Variants in MACO1 observed in about 807,000 individuals in gnomAD.
MACO1 encodes the protein macoilin 1, also known as macoilin.
MACO1 carries 14 observed loss-of-function variants against 78.7 expected under a neutral mutation model. That is an observed-to-expected ratio of 0.18 (90% CI 0.12 to 0.28). MACO1 has a LOEUF of 0.28. Among genes scored for constraint, MACO1 ranks in the 10% least tolerant of loss-of-function variants. MACO1 has a pLI of 1.00. For synonymous variants in MACO1, 288 were observed against 291.6 expected, an observed-to-expected ratio of 0.99 and a Z score of 0.12; for missense variants, 501 against 799.0, an observed-to-expected ratio of 0.63 and a Z score of 4.50.
At chr1:25,458,128 A>C (rs2043139172) in intron 5 of MACO1, among the ~76,000 whole-genome samples, 1 of 152,200 alleles carries the variant, frequency 6.6e-6, no homozygotes, top group Non-Finnish European at 1.5e-5. Context: ...TCAAGACTAG[A>C]CCTTTAGTGG....
chr1:25,459,559 C>G (rs991049074), intron 6 of MACO1, among the ~76,000 whole-genome samples: 4 of 151,210 alleles, frequency 2.6e-5, no homozygotes, highest in South Asian at 4.2e-4. Context: ...ACTGCAACCT[C>G]CGCCTCCTGG....
intron 6 of MACO1, among the ~76,000 whole-genome samples, chr1:25,471,596 G>A (rs2043272171): frequency 6.6e-6 from 1 of 152,212 alleles, no homozygotes; most frequent in Non-Finnish European, 1.5e-5. Flanking sequence ...CTAGCACAGA[G>A]TAGATACTCA....
intron 1 of MACO1, among the ~76,000 whole-genome samples, chr1:25,444,259 TAAATA>T (rs2042996515): frequency 6.8e-6 from 1 of 147,418 alleles, no homozygotes; most frequent in Non-Finnish European, 1.5e-5. Flanking sequence ...ACTCAGTCTT[TAAATA>T]AATAAATAAA....
At chr1:25,490,121 A>AT (rs1380319838) in intron 9 of MACO1, among the ~76,000 whole-genome samples, 1 of 152,180 alleles carries the variant, frequency 6.6e-6, no homozygotes, top group Non-Finnish European at 1.5e-5. Context: ...CAAGGGAAAG[A>AT]TTTTCTAAAC....
intron 6 of MACO1, among the ~76,000 whole-genome samples, chr1:25,467,355 A>G (rs1040099746): frequency 6.6e-6 from 1 of 152,210 alleles, no homozygotes; most frequent in Non-Finnish European, 1.5e-5. Flanking sequence ...CAGAGGAATC[A>G]ACAATTTTGT....
chr1:25,441,128 T>C (rs2042968373), intron 1 of MACO1, among the ~76,000 whole-genome samples: 1 of 152,250 alleles, frequency 6.6e-6, no homozygotes, highest in African/African-American at 2.4e-5. Flanking sequence ...GTTGTAAGTA[T>C]GTGCTTTGGT....
intron 6 of MACO1, among the ~76,000 whole-genome samples, chr1:25,468,913 A>G (rs778287337): frequency 2.0e-5 from 3 of 152,150 alleles, no homozygotes; most frequent in Non-Finnish European, 2.9e-5. Context: ...CAGTGGCGCC[A>G]TCTGGGAAAC....
intron 1 of MACO1, among the ~76,000 whole-genome samples, chr1:25,441,564 A>G (rs2042973322): frequency 6.6e-6 from 1 of 152,244 alleles, no homozygotes; most frequent in Non-Finnish European, 1.5e-5. Flanking sequence ...GAGATAAAAC[A>G]GGGAACAAAA....
chr1:25,459,996 GCTTTAGGCAGCC>G (rs2043156997), intron 6 of MACO1, among the ~76,000 whole-genome samples: 1 of 152,108 alleles, frequency 6.6e-6, no homozygotes, highest in Non-Finnish European at 1.5e-5. Flanking sequence ...TCTCTGGCTT[GCTTTAGGCAGCC>G]CTTTAGGCAG....
chr1:25,438,620 T>C (rs1368014645), intron 1 of MACO1, among the ~76,000 whole-genome samples: 2 of 152,244 alleles, frequency 1.3e-5, no homozygotes, highest in Non-Finnish European at 2.9e-5. Context: ...GAAGTGGACA[T>C]GACTGGGCCC....
chr1:25,485,410 G>C lies in MACO1; in HGVS notation c.1314-203G>C, dbSNP rs1396569669. On this transcript the variant is annotated intron_variant, in intron 7 of 10. Transcript: ENST00000374343. This position sits in a 1 kb window ranked among gnomAD's most constrained non-coding sequence, Gnocchi z 4.3. ...GAGGCTAGGTCTTAATCTCTGTTTT[G>C]TAAGGCAGCTTGTTTATTGGTGTTT... Among the ~76,000 whole-genome samples the C allele has an allele frequency of 6.6e-6, 1 of 152,162 alleles. No individual in the cohort carries two copies. The highest frequency in any genetic ancestry group is 2.4e-5 in the African/African-American group (1 of 41,428).
chr1:25,449,091 T>A (rs1439596773), intron 3 of MACO1, among the ~76,000 whole-genome samples, 157 bp downstream of exon 3: 1 of 152,168 alleles, frequency 6.6e-6, no homozygotes, highest in Non-Finnish European at 1.5e-5. Context: ...AAAATATATA[T>A]CTTTTTTCGT....
At chr1:25,461,521 G>A (rs2043172464) in intron 6 of MACO1, among the ~76,000 whole-genome samples, 1 of 152,020 alleles carries the variant, frequency 6.6e-6, no homozygotes, top group Non-Finnish European at 1.5e-5. Context: ...AAAACTAATA[G>A]AATAGTGCTG....
chr1:25,455,529 A>G (rs1023787514), intron 4 of MACO1, among the ~76,000 whole-genome samples: 1 of 152,224 alleles, frequency 6.6e-6, no homozygotes, highest in African/African-American at 2.4e-5. Context: ...ATTTAGACTA[A>G]TTATAAATTG....
chr1:25,456,417 T>C (rs2043121396), intron 4 of MACO1, among the ~76,000 whole-genome samples: 1 of 152,220 alleles, frequency 6.6e-6, no homozygotes, highest in Non-Finnish European at 1.5e-5. Flanking sequence ...ATGGGAAGTG[T>C]CGTCTTACGG....
At chr1:25,484,095 C>G in intron 6 of MACO1, 21 bp from the exon 7 acceptor site, 8 of 1,595,564 alleles carry the variant, frequency 5.0e-6, no homozygotes, top group South Asian at 1.1e-5. Context: ...GATGAAAATG[C>G]TGCATTTCTC....
rs769615672 is a variant in MACO1 at position 25,498,365 on chromosome 1, C to A, written c.1894C>A (p.Pro632Thr). 16 of 1,614,038 alleles carry A rather than the reference C, an allele frequency of 9.9e-6. No homozygotes were observed. In the Admixed American group the frequency reaches 2.5e-4, roughly 25 times the overall value. ...PSITYSAATS[P>T]LSPVSPHYSS... ...CATAACATACAGTGCCGCCACCAGC[C>A]CCCTGAGCCCTGTTTCCCCCCACTA... Residue 632 changes from proline (P) to threonine (T), a missense_variant, in exon 11 of 11, where the codon CCC becomes ACC. By Grantham distance (38) the Pro-to-Thr change is conservative. Coordinates refer to ENST00000374343, the MANE Select transcript of MACO1 (RefSeq NM_018202.6).
intron 1 of MACO1, among the ~76,000 whole-genome samples, chr1:25,438,137 G>A (rs1212283362): frequency 6.6e-6 from 1 of 152,170 alleles, no homozygotes; most frequent in Admixed American, 6.6e-5. Context: ...ACCTAATGCA[G>A]GTGGTGAGTT....
At chr1:25,468,157 C>G (rs990895362) in intron 6 of MACO1, among the ~76,000 whole-genome samples, 1 of 151,864 alleles carries the variant, frequency 6.6e-6, no homozygotes, top group Admixed American at 6.6e-5. Context: ...CTTGCTCTTG[C>G]CAAAGACACA....
Sources: allele counts gnomAD v4.1 joint callset (sites outside exome capture counted in the v4.1 genomes callset), GRCh38; gene constraint gnomAD v4.1.1; non-coding constraint Gnocchi (gnomAD v3.1); transcripts MANE v1.5; gene names NCBI Gene and HGNC (gene_info 2026-07-23, HGNC 2026-07-21).